Variants in SLC16A7 observed in about 807,000 individuals in gnomAD.
SLC16A7 encodes the protein monocarboxylate transporter 2.
A neutral mutation model predicts 34.9 loss-of-function variants in SLC16A7; 33 were observed. The ratio of observed to expected loss-of-function variants is 0.94; its 90% CI spans 0.72 to 1.26. SLC16A7 has a LOEUF of 1.26. Ranked by LOEUF, SLC16A7 falls within the 50% of genes most tolerant of loss-of-function variation. The pLI, the probability that SLC16A7 is intolerant of heterozygous loss-of-function variation, is 0.00. For synonymous variants in SLC16A7, 201 were observed against 206.6 expected, an observed-to-expected ratio of 0.97 and a Z score of 0.23; for missense variants, 573 against 578.1, an observed-to-expected ratio of 0.99 and a Z score of 0.09.
chr12:59,736,822 C>A (rs1882505), intron 3 of SLC16A7, among the ~76,000 whole-genome samples: 18,672 of 152,216 alleles, frequency 0.12, 1,499 homozygotes, highest in African/African-American at 0.22. Flanking sequence ...ACCAATGATT[C>A]TCCAATGATT....
At chr12:59,614,358 T>C (rs968806103) in intron 1 of SLC16A7, among the ~76,000 whole-genome samples, 1 of 152,120 alleles carries the variant, frequency 6.6e-6, no homozygotes, top group Admixed American at 6.5e-5. Context: ...TTACATGCAC[T>C]GTATTGGCTC....
At chr12:59,655,609 T>A (rs1398375544) in intron 2 of SLC16A7, among the ~76,000 whole-genome samples, 1 of 151,902 alleles carries the variant, frequency 6.6e-6, no homozygotes, top group African/African-American at 2.4e-5. Context: ...GGTTTTAAAA[T>A]AAACGAGAAA....
chr12:59,693,207 G>A (rs1871885401), intron 2 of SLC16A7, among the ~76,000 whole-genome samples: 3 of 151,822 alleles, frequency 2.0e-5, no homozygotes, highest in Admixed American at 2.0e-4. Context: ...ATTATTTTGG[G>A]ACTTAGTTTG....
At chr12:59,646,732 A>C (rs1022542222) in intron 1 of SLC16A7, among the ~76,000 whole-genome samples, 3 of 152,178 alleles carry the variant, frequency 2.0e-5, no homozygotes, top group African/African-American at 7.2e-5. Context: ...CAGGCACTCA[A>C]TTCCAGCCCA....
rs1055421838 is a variant in SLC16A7 at position 59,775,254 on chromosome 12, C to G, written c.959C>G (p.Ala320Gly). 2 of 1,614,004 alleles carry G rather than the reference C, an allele frequency of 1.2e-6. No homozygotes were observed. The highest frequency in any genetic ancestry group is 2.7e-5 in the African/African-American group (2 of 74,938). Residue 320 changes from alanine to glycine, a missense_variant, in exon 5 of 6, where the codon GCA becomes GGA. Transcript: ENST00000547379. The part of the protein sequence containing the change: ...RPRIQYFFSF[A>G]IMFNGVCHLL... ...CGAATTCAGTACTTCTTCAGTTTTGCAATCATGTTCAATGGAGTGTGTCAC... is the reference window on the plus strand; with the variant it reads ...CGAATTCAGTACTTCTTCAGTTTTGGAATCATGTTCAATGGAGTGTGTCAC...
intron 3 of SLC16A7, among the ~76,000 whole-genome samples, chr12:59,730,592 C>G (rs550498863): frequency 6.6e-6 from 1 of 152,214 alleles, no homozygotes; most frequent in Non-Finnish European, 1.5e-5. Context: ...TTGGGATTGA[C>G]TTAGCTAAGG....
chr12:59,789,205 A>T lies in SLC16A7; in HGVS notation c.*9526A>T, dbSNP rs1164001014. The T allele has an allele frequency of 6.6e-6, 1 of 152,122 alleles. No homozygotes were observed. The allele number at this position is 152,122 out of a possible 1,614,324, so 9.4% of individuals were successfully genotyped here. A position where few individuals can be genotyped will look rare whatever the true frequency, so the allele number is the denominator to read the frequency against. On this transcript the variant is annotated 3_prime_UTR_variant, in exon 6 of 6. Transcript: ENST00000547379. ...CATAGAGTATTCCTTTATTGAAATG[A>T]ATTGATAGATATTGATTATTAAAAT...
intron 2 of SLC16A7, among the ~76,000 whole-genome samples, chr12:59,672,516 C>G (rs1035148891): frequency 2.6e-4 from 39 of 151,946 alleles, no homozygotes; most frequent in African/African-American, 8.9e-4. Flanking sequence ...GTCCCACATT[C>G]CAGCAGGCTC....
chr12:59,726,752 C>T (rs1876294312), intron 3 of SLC16A7, among the ~76,000 whole-genome samples: 1 of 152,080 alleles, frequency 6.6e-6, no homozygotes, highest in Non-Finnish European at 1.5e-5. Flanking sequence ...TTTTTCCTTA[C>T]CTTCCTGTCC....
chr12:59,670,233 A>G (rs1048689736), intron 2 of SLC16A7, among the ~76,000 whole-genome samples: 1 of 152,176 alleles, frequency 6.6e-6, no homozygotes, highest in Admixed American at 6.5e-5. Flanking sequence ...TCTTCTTATA[A>G]GATCATCTGT....
At position 59,626,613 on chromosome 12, in the gene SLC16A7, C is replaced by T. The variant is rs111482049; in HGVS notation, c.-129-28539C>T. On this transcript the variant is annotated intron_variant, in intron 1 of 5. Coordinates refer to ENST00000547379, the MANE Select transcript of SLC16A7 (RefSeq NM_001270623.2). ...GTGCTGATCTAAGCTCAAAATTCTT[C>T]CCACATTTGCCAGCCACCCATCCTG... 6.7e-3 allele frequency among the ~76,000 whole-genome samples: 1,020 copies of T among 151,810 alleles called. 7 individuals are homozygous for T. The highest frequency in any genetic ancestry group is 0.065 in the Middle Eastern group (19 of 294).
chr12:59,708,538 T>C (rs920206967), intron 3 of SLC16A7, among the ~76,000 whole-genome samples: 8 of 152,180 alleles, frequency 5.3e-5, no homozygotes, highest in African/African-American at 1.9e-4. Context: ...AAAGACATAG[T>C]TTACTGTGAA....
chr12:59,626,272 G>T (rs921645572), intron 1 of SLC16A7, among the ~76,000 whole-genome samples: 2 of 151,602 alleles, frequency 1.3e-5, no homozygotes, highest in Admixed American at 6.6e-5. Context: ...TTAAAGAGAA[G>T]AACTTATGAC....
chr12:59,728,586 G>A (rs949676929), intron 3 of SLC16A7, among the ~76,000 whole-genome samples: 11 of 152,158 alleles, frequency 7.2e-5, no homozygotes, highest in Non-Finnish European at 1.5e-4. Flanking sequence ...TTAGCTGAGC[G>A]TGGTGGAGCA....
rs1463884215 is a variant in SLC16A7, at chr12:59,786,944, A to C, written c.*7265A>C. ...ATATTTTTCCAATCATGGTTTGCAA[A>C]ATCATGTTTGCAAACTTACTTTGAA... On this transcript the variant is annotated 3_prime_UTR_variant, in exon 6 of 6. Transcript: ENST00000547379. 6.6e-6 allele frequency: 1 copy of C among 152,124 alleles called. No individual in the cohort carries two copies. Among genetic ancestry groups the C allele is most frequent in the Non-Finnish European group, 1.5e-5 (1 of 67,994 alleles). 9.4% of individuals were successfully genotyped at this position (152,124 alleles called of 1,614,324 possible).
rs187666540 is a variant in SLC16A7, at chr12:59,708,504, A to G, written c.217+3486A>G. Among the ~76,000 whole-genome samples, 166 of 152,316 alleles carry G rather than the reference A, an allele frequency of 1.1e-3. No homozygotes were observed. The Middle Eastern group carries it at 0.014, about 12-fold the overall frequency. ...GAGCCTTTTAGGTTGATGATTATAA[A>G]AAAAATTTGGAGAGCAAAGGTGAAA... On this transcript the variant is annotated intron_variant, in intron 3 of 5. Transcript: ENST00000547379.
At chr12:59,660,159 A>G (rs1868764374) in intron 2 of SLC16A7, among the ~76,000 whole-genome samples, 1 of 151,978 alleles carries the variant, frequency 6.6e-6, no homozygotes, top group African/African-American at 2.4e-5. Flanking sequence ...TTTTTTTAAA[A>G]AACTCTTTTT....
intron 3 of SLC16A7, among the ~76,000 whole-genome samples, chr12:59,727,763 T>C (rs1231995660): frequency 2.0e-5 from 3 of 152,036 alleles, no homozygotes; most frequent in Admixed American, 2.0e-4. Flanking sequence ...GAACTGACAG[T>C]AGTTTAAGTT....
At chr12:59,722,990 T>TA (rs1215610525) in intron 3 of SLC16A7, among the ~76,000 whole-genome samples, 1 of 151,932 alleles carries the variant, frequency 6.6e-6, no homozygotes, top group Non-Finnish European at 1.5e-5. Context: ...ATTTAAATTT[T>TA]AAAAACCTCC....
Sources: gnomAD v4.1 joint callset for allele counts (sites outside exome capture counted in the v4.1 genomes callset) on GRCh38, gnomAD v4.1.1 for gene constraint, MANE v1.5 for transcripts, NCBI Gene and HGNC (gene_info 2026-07-23, HGNC 2026-07-21) for gene names.